The following CYB5D2 variants were observed in gnomAD, a reference collection of about 807,000 sequenced individuals.
The protein encoded by CYB5D2 is cytochrome b5 domain containing 2, also known as neuferricin.
CYB5D2 carries 23 observed loss-of-function variants against 22.8 expected under a neutral mutation model. That is an observed-to-expected ratio of 1.01 (90% CI 0.73 to 1.43). CYB5D2 has a LOEUF of 1.43. Among genes scored for constraint, CYB5D2 ranks in the 40% most tolerant of loss-of-function variants. The pLI, the probability that CYB5D2 is intolerant of heterozygous loss-of-function variation, is 0.00. For synonymous variants in CYB5D2, 170 were observed against 152.2 expected (o/e 1.12, Z -0.86); for missense variants, 373 against 357.2 (o/e 1.04, Z -0.36).
Position 4,154,662 on chromosome 17 carries a change from C to T in CYB5D2, c.392-12C>T. The T allele has an allele frequency of 1.2e-6, 2 of 1,611,654 alleles. No individual in the cohort carries two copies. The highest frequency in any genetic ancestry group is 1.7e-6 in the Non-Finnish European group (2 of 1,178,588). On this transcript the variant is annotated splice_polypyrimidine_tract_variant and intron_variant, in intron 2 of 3. Transcript: ENST00000301391. ...TTCACTCTCACTCACATCTGCCTTC[C>T]TGTCATCACAGGGAGGGTGACAGGA...
Position 4,144,013 on chromosome 17 carries a change from C to A in CYB5D2, c.250+8C>A. The A allele has an allele frequency of 1.3e-6, 2 of 1,583,860 alleles. No homozygotes were observed. The highest frequency in any genetic ancestry group is 8.6e-7 in the Non-Finnish European group (1 of 1,164,484). Reference sequence around the variant, plus strand: ...ACTATAGCGGCTTCGCAGGTATCAGCGAGGCTGCTCACGCCTTTCTCTCCG... The same window carrying A: ...ACTATAGCGGCTTCGCAGGTATCAGAGAGGCTGCTCACGCCTTTCTCTCCG... On this transcript the variant is annotated splice_region_variant and intron_variant, in intron 1 of 3. Coordinates refer to ENST00000301391, the MANE Select transcript of CYB5D2 (RefSeq NM_144611.4).
At chr17:4,153,186 G>C (rs192009635) in intron 2 of CYB5D2, among the ~76,000 whole-genome samples, 1 of 152,326 alleles carries the variant, frequency 6.6e-6, no homozygotes, top group Non-Finnish European at 1.5e-5. Context: ...GATGTAATAC[G>C]TTTGGGAGCT....
At position 4,145,931 on chromosome 17, in the gene CYB5D2, G is replaced by A. The variant is rs149650353; in HGVS notation, c.250+1926G>A. On this transcript the variant is annotated intron_variant, in intron 1 of 3. Coordinates refer to ENST00000301391, the MANE Select transcript of CYB5D2 (RefSeq NM_144611.4). ...CTTCCACTTCAGCCTCCCAAGTAGC[G>A]GGGACCATAGGTGTGCACCATCACG... Among the ~76,000 whole-genome samples, 34 of 151,980 alleles carry A rather than the reference G, an allele frequency of 2.2e-4. 1 individual carries two copies. In the East Asian group the frequency reaches 4.1e-3, roughly 18 times the overall value.
At chr17:4,154,983 C>T in intron 3 of CYB5D2, 123 bp downstream of exon 3, 1 of 1,043,670 alleles carries the variant, frequency 9.6e-7, no homozygotes, top group Non-Finnish European at 1.4e-6. Context: ...TTTCAAAATA[C>T]TGATAATAAT....
chr17:4,149,481 G>A (rs1168035047), intron 1 of CYB5D2, among the ~76,000 whole-genome samples: 1 of 152,216 alleles, frequency 6.6e-6, no homozygotes, highest in Non-Finnish European at 1.5e-5. Context: ...TGGGGATAAG[G>A]AGTAGGGCTT....
rs1178777615 is a variant in CYB5D2, at chr17:4,143,658, AGC to A, written c.-89_-88del. 3 of 1,497,440 alleles carry A rather than the reference AGC, an allele frequency of 2.0e-6. No homozygotes were observed. The highest frequency in any genetic ancestry group is 2.7e-6 in the Non-Finnish European group (3 of 1,118,292). The allele number at this position is 1,497,440 out of a possible 1,614,324, so 92.8% of individuals were successfully genotyped here. A position where few individuals can be genotyped will look rare whatever the true frequency, so the allele number is the denominator to read the frequency against. The stretch of plus-strand genomic sequence containing the variant: ...ACTAGCGCGCGAGAGAGAGAGCGAG[AGC>A]GCGCGCGCCGATGACGTCACGCTCG... On this transcript the variant is annotated 5_prime_UTR_variant, in exon 1 of 4. Coordinates refer to ENST00000301391, the MANE Select transcript of CYB5D2 (RefSeq NM_144611.4).
intron 1 of CYB5D2, among the ~76,000 whole-genome samples, chr17:4,146,366 A>T (rs1009889936): frequency 6.6e-6 from 1 of 151,296 alleles, no homozygotes; most frequent in Non-Finnish European, 1.5e-5. Flanking sequence ...CAGTGCTGGG[A>T]TTATAGGTAT....
intron 1 of CYB5D2, among the ~76,000 whole-genome samples, chr17:4,145,410 A>T (rs2058978463): frequency 6.6e-6 from 1 of 152,244 alleles, no homozygotes; most frequent in African/African-American, 2.4e-5. Context: ...AGTTAGAAGC[A>T]GAGCTGGGAC....
intron 2 of CYB5D2, among the ~76,000 whole-genome samples, chr17:4,151,795 A>G (rs1202947839): frequency 1.3e-5 from 2 of 152,182 alleles, no homozygotes; most frequent in African/African-American, 4.8e-5. Flanking sequence ...AGTTGAGGTC[A>G]GGAGTTCAAG....
chr17:4,157,450 AACAAATTAGT>A lies in CYB5D2; in HGVS notation c.*369_*378del, dbSNP rs1450446881. ...CTGGGCCAATACAGTACGAGGCAAT[AACAAATTAGT>A]GTGGGTTGATTCTGGAATTGGAAAA... On this transcript the variant is annotated 3_prime_UTR_variant, in exon 4 of 4. Transcript: ENST00000301391. The surrounding 1 kb of genome is among the most constrained non-coding windows in gnomAD (Gnocchi z 4.4). 2.9e-5 allele frequency: 8 copies of A among 274,204 alleles called. No homozygotes were observed. Among genetic ancestry groups the A allele is most frequent in the South Asian group, 5.3e-5 (1 of 18,898 alleles). 17.0% of individuals were successfully genotyped at this position (274,204 alleles called of 1,614,324 possible).
chr17:4,148,830 A>C (rs930001135), intron 1 of CYB5D2, among the ~76,000 whole-genome samples: 5 of 152,210 alleles, frequency 3.3e-5, no homozygotes, highest in African/African-American at 1.2e-4. Flanking sequence ...CTCATGCACA[A>C]AAAAAAAGAA....
chr17:4,154,206 C>T (rs528724299), intron 2 of CYB5D2, among the ~76,000 whole-genome samples: 1 of 152,348 alleles, frequency 6.6e-6, no homozygotes, highest in South Asian at 2.1e-4. Context: ...ATCTACTCAA[C>T]AAGCTGAGGT....
chr17:4,155,131 A>C (rs1463736945), intron 3 of CYB5D2, among the ~76,000 whole-genome samples: 1 of 152,180 alleles, frequency 6.6e-6, no homozygotes, highest in Non-Finnish European at 1.5e-5. Context: ...GAATTCTCCA[A>C]AGATCCTGCT....
chr17:4,144,492 A>G (rs117455611), intron 1 of CYB5D2, among the ~76,000 whole-genome samples: 488 of 152,164 alleles, frequency 3.2e-3, no homozygotes, highest in Non-Finnish European at 6.0e-3. Context: ...ATGCATCAAT[A>G]CTTTATTCCT....
intron 2 of CYB5D2, among the ~76,000 whole-genome samples, chr17:4,151,698 A>AAAAAAAGAG (rs1327051327): frequency 6.6e-6 from 1 of 151,760 alleles, no homozygotes; most frequent in African/African-American, 2.4e-5. Context: ...AAAAAAAAGA[A>AAAAAAAGAG]AAAAAAGAAA....
chr17:4,144,087 C>G, intron 1 of CYB5D2, 82 bp downstream of exon 1: 3 of 1,498,980 alleles, frequency 2.0e-6, no homozygotes, highest in Non-Finnish European at 2.7e-6. Flanking sequence ...GTTCATTATT[C>G]ATCTATTTCC....
rs778434926 is a variant in CYB5D2, at chr17:4,154,872, C to G, written c.578+12C>G. On this transcript the variant is annotated intron_variant, in intron 3 of 3. Transcript: ENST00000301391. ...TGCTCCCAGAAGAGGTAAGCAGGCT[C>G]CCCTTCTTCTCCTTTCTGCCTGTCC... is the stretch of plus-strand genomic sequence containing the variant. 1.2e-6 allele frequency: 2 copies of G among 1,603,350 alleles called. No individual in the cohort carries two copies. Among genetic ancestry groups the G allele is most frequent in the Non-Finnish European group, 1.7e-6 (2 of 1,174,380 alleles).
intron 2 of CYB5D2, among the ~76,000 whole-genome samples, chr17:4,152,364 T>TA (rs1329988582): frequency 6.6e-6 from 1 of 152,166 alleles, no homozygotes; most frequent in Non-Finnish European, 1.5e-5. Flanking sequence ...ACCCTCAGGA[T>TA]ACATCAGTGG....
rs779061990 is a variant in CYB5D2 at position 4,154,801 on chromosome 17, G to T, written c.519G>T (p.Pro173=). The change falls in exon 3 of 4, where the codon CCG becomes CCT. Residue 173 remains proline (P), a synonymous_variant. Transcript: ENST00000301391. ...KLQLQEKQTF[P]PCNAEWSSAR... is the part of the protein sequence containing the mutation. ...AGCTGCAAGAGAAGCAGACATTCCC[G>T]CCGTGCAACGCGGAGTGGAGCTCAG... The T allele has an allele frequency of 6.2e-7, 1 of 1,614,172 alleles. No homozygotes were observed.
Sources: allele counts gnomAD v4.1 joint callset (sites outside exome capture counted in the v4.1 genomes callset), GRCh38; gene constraint gnomAD v4.1.1; non-coding constraint Gnocchi (gnomAD v3.1); transcripts MANE v1.5; gene names NCBI Gene and HGNC (gene_info 2026-07-23, HGNC 2026-07-21).